Variants in KCNN1 observed in about 807,000 individuals in gnomAD.
KCNN1 encodes the protein potassium calcium-activated channel subfamily N member 1, also known as small conductance calcium-activated potassium channel protein 1.
KCNN1 carries 20 observed loss-of-function variants against 44.7 expected under a neutral mutation model. The ratio of observed to expected loss-of-function variants is 0.45; its 90% CI spans 0.32 to 0.65. The LOEUF is 0.65. Among genes scored for constraint, KCNN1 ranks in the 30% least tolerant of loss-of-function variants. The pLI, the probability that KCNN1 is intolerant of heterozygous loss-of-function variation, is 0.05. For synonymous variants in KCNN1, 324 were observed against 341.7 expected (o/e 0.95, Z 0.57); for missense variants, 632 against 785.3 (o/e 0.80, Z 2.33).
At chr19:17,973,751 C>T in intron 1 of KCNN1, 57 bp from the exon 2 acceptor site, 1 of 1,442,380 alleles carries the variant, frequency 6.9e-7, no homozygotes, top group Admixed American at 2.7e-5. Flanking sequence ...ATGGTCCTTG[C>T]CTTTCTGGTC....
chr19:17,982,988 T>A (rs995365494), intron 4 of KCNN1, among the ~76,000 whole-genome samples: 2 of 149,996 alleles, frequency 1.3e-5, no homozygotes, highest in African/African-American at 4.9e-5. Context: ...TGCAGTGAGC[T>A]GAGATTGCGC....
chr19:17,957,037 C>G (rs563937779), intron 2 of KCNN1, among the ~76,000 whole-genome samples: 1 of 141,938 alleles, frequency 7.0e-6, no homozygotes, highest in African/African-American at 2.6e-5. Context: ...GGCGACAAAG[C>G]GAGACTGTCT....
chr19:17,990,013 A>T, intron 7 of KCNN1, 170 bp downstream of exon 7: 1 of 856,936 alleles, frequency 1.2e-6, no homozygotes, highest in Non-Finnish European at 1.9e-6. Context: ...AGGGAGGCAG[A>T]TGATGGGGTC....
At chr19:17,989,012 G>A (rs1335059851) in intron 6 of KCNN1, among the ~76,000 whole-genome samples, 2 of 152,084 alleles carry the variant, frequency 1.3e-5, no homozygotes, top group Non-Finnish European at 2.9e-5. Flanking sequence ...GCCCAGTCAC[G>A]TCCAGCCATG....
At chr19:17,966,978 G>A (rs980265591), upstream of KCNN1, 3 of 256,494 alleles carry the variant, frequency 1.2e-5, no homozygotes, top group Non-Finnish European at 1.8e-5. Flanking sequence ...GTTGCAGGGG[G>A]CGCCGGGGAA....
intron 1 of KCNN1, chr19:17,952,246 C>T (rs1364655732): frequency 6.6e-6 from 1 of 151,986 alleles, no homozygotes; most frequent in African/African-American, 2.4e-5. Flanking sequence ...GCGCGCACAC[C>T]CTCCCGGCTC....
chr19:17,980,630 C>T (rs770419578), intron 3 of KCNN1, among the ~76,000 whole-genome samples: 4 of 152,056 alleles, frequency 2.6e-5, no homozygotes, highest in Non-Finnish European at 5.9e-5. Context: ...GAAGCTGGTG[C>T]GGTTGCTCAC....
At position 17,993,091 on chromosome 19, in the gene KCNN1, G is replaced by A. The variant is rs776194342; in HGVS notation, c.1307+29G>A. ...AGTGTTCTCCCAGGGGCTTGGTGGG[G>A]CTGGGAAATCGGGGGTGCATGGTGG... On this transcript the variant is annotated intron_variant, in intron 8 of 9. Coordinates refer to ENST00000684775, the MANE Select transcript of KCNN1 (RefSeq NM_001386974.1). The surrounding 1 kb of genome is among the most constrained non-coding windows in gnomAD (Gnocchi z 4.5). 10 of 1,613,506 alleles carry A rather than the reference G, an allele frequency of 6.2e-6. No homozygotes were observed. Among genetic ancestry groups the A allele is most frequent in the Admixed American group, 1.7e-5 (1 of 59,946 alleles).
Position 17,993,566 on chromosome 19 carries a change from G to T in KCNN1, c.1377+7G>T, listed in dbSNP as rs756534086. 5 of 1,609,188 alleles carry T rather than the reference G, an allele frequency of 3.1e-6. No individual in the cohort carries two copies. The highest frequency in any genetic ancestry group is 4.3e-6 in the Non-Finnish European group (5 of 1,175,788). ...GCTTACCGACCTAGCCAAGGTGAGT[G>T]GGTTGGGGCAGGGTGGGCCAGACAG... On this transcript the variant is annotated splice_region_variant and intron_variant, in intron 9 of 9. Coordinates refer to ENST00000684775, the MANE Select transcript of KCNN1 (RefSeq NM_001386974.1). The surrounding 1 kb of genome is among the most constrained non-coding windows in gnomAD (Gnocchi z 4.5).
chr19:17,996,826 G>C (rs10415686), intron 9 of KCNN1, among the ~76,000 whole-genome samples: 31,057 of 152,112 alleles, frequency 0.2, 3,303 homozygotes, highest in Non-Finnish European at 0.23. Flanking sequence ...GAGGGAAAAG[G>C]GTAGGGGGCA....
chr19:17,989,423 A>G (rs1190246029), intron 6 of KCNN1, among the ~76,000 whole-genome samples: 1 of 152,224 alleles, frequency 6.6e-6, no homozygotes, highest in Non-Finnish European at 1.5e-5. Flanking sequence ...ATGCCACTGC[A>G]TTCCAGTCTG....
At position 17,998,487 on chromosome 19, in the gene KCNN1, C is replaced by A; in HGVS notation, c.*81C>A. Reference sequence around the variant, plus strand: ...CGGGAAGCCTTGTACAGTGGCGCCTCTTGGAGTTCAAGAAGCCAACGCTGA... The same window carrying A: ...CGGGAAGCCTTGTACAGTGGCGCCTATTGGAGTTCAAGAAGCCAACGCTGA... On this transcript the variant is annotated 3_prime_UTR_variant, in exon 10 of 10. Coordinates refer to ENST00000684775, the MANE Select transcript of KCNN1 (RefSeq NM_001386974.1). This position sits in a 1 kb window ranked among gnomAD's most constrained non-coding sequence, Gnocchi z 5.4. 7.4e-7 allele frequency: 1 copy of A among 1,344,198 alleles called. No individual in the cohort carries two copies. Among genetic ancestry groups the A allele is most frequent in the Non-Finnish European group, 9.8e-7 (1 of 1,020,322 alleles). The allele number at this position is 1,344,198 out of a possible 1,614,324, so 83.3% of individuals were successfully genotyped here.
In KCNN1 at chr19:17,998,265, G is replaced by A. The variant is rs1473549029; in HGVS notation, c.1491G>A (p.Gln497=). 6.4e-7 allele frequency: 1 copy of A among 1,559,096 alleles called. No individual in the cohort carries two copies. The highest frequency in any genetic ancestry group is 1.2e-5 in the South Asian group (1 of 85,392). ...TGGATGCGCTGGGTGCCTCTCTACA[G>A]GCCCTGCCTGGCCTCATCGCCCAAG... is the stretch of plus-strand genomic sequence containing the variant. ...SRLDALGASL[Q]ALPGLIAQAI... The change falls in exon 10 of 10, where the codon CAG becomes CAA. Residue 497 remains glutamine (Q), a synonymous_variant. Transcript: ENST00000684775. This position sits in a 1 kb window ranked among gnomAD's most constrained non-coding sequence, Gnocchi z 5.4.
intron 2 of KCNN1, among the ~76,000 whole-genome samples, chr19:17,961,728 G>A (rs7255121): frequency 0.051 from 7,823 of 151,906 alleles, 688 homozygotes; most frequent in African/African-American, 0.18. Flanking sequence ...GATTACAGGC[G>A]CGTGCTACCA....
chr19:17,996,332 G>A (rs1045155871), intron 9 of KCNN1, among the ~76,000 whole-genome samples: 1 of 152,014 alleles, frequency 6.6e-6, no homozygotes, highest in South Asian at 2.1e-4. Flanking sequence ...AAGCCTGGGT[G>A]TAGTGGCTCA....
In KCNN1 at chr19:17,980,277, G is replaced by A. The variant is rs1306139361; in HGVS notation, c.499-1432G>A. Among the ~76,000 whole-genome samples the A allele has an allele frequency of 7.9e-5, 9 of 114,230 alleles. No homozygotes were observed. In the East Asian group the frequency reaches 1.6e-3, roughly 20 times the overall value. The allele number at this position is 114,230 out of a possible 152,430, so 74.9% of individuals were successfully genotyped here. ...TTTTTTTTGTATTTTTAGTAGAGAC[G>A]GGGTTTTGCCATGTTGCCTGGGCTG... On this transcript the variant is annotated intron_variant, in intron 3 of 9. Transcript: ENST00000684775.
rs1041964346 is a variant in KCNN1, at chr19:17,993,362, A to G, written c.1308-128A>G. On this transcript the variant is annotated intron_variant, in intron 8 of 9. Transcript: ENST00000684775. The surrounding 1 kb of genome is among the most constrained non-coding windows in gnomAD (Gnocchi z 4.5). ...ATAGACTACAGGGAATCGGCCTCCC[A>G]ACTCCCACCTCATCCTCTGATGCAT... 1.3e-6 allele frequency: 1 copy of G among 744,336 alleles called. No homozygotes were observed. Among genetic ancestry groups the G allele is most frequent in the Non-Finnish European group, 2.3e-6 (1 of 426,024 alleles). The allele number at this position is 744,336 out of a possible 1,614,324, so 46.1% of individuals were successfully genotyped here.
upstream of KCNN1, among the ~76,000 whole-genome samples, chr19:17,966,065 C>G (rs969916752): frequency 3.7e-4 from 54 of 146,626 alleles, no homozygotes; most frequent in African/African-American, 1.1e-3. Context: ...TCCTTCCTTC[C>G]TTCCTTCCTT....
At position 17,993,437 on chromosome 19, in the gene KCNN1, C is replaced by A; in HGVS notation, c.1308-53C>A. ...TGCATGAAAGTCCCTGCCCCCACTGCAGCCTCCACGGGAACCTGCCTAACC... is the reference window on the plus strand; with the variant it reads ...TGCATGAAAGTCCCTGCCCCCACTGAAGCCTCCACGGGAACCTGCCTAACC... On this transcript the variant is annotated intron_variant, in intron 8 of 9. Transcript: ENST00000684775. The surrounding 1 kb of genome is among the most constrained non-coding windows in gnomAD (Gnocchi z 4.5). 1 of 1,387,402 alleles carries A rather than the reference C, an allele frequency of 7.2e-7. No individual in the cohort carries two copies. The highest frequency in any genetic ancestry group is 1.0e-6 in the Non-Finnish European group (1 of 984,240). The allele number at this position is 1,387,402 out of a possible 1,614,324, so 85.9% of individuals were successfully genotyped here.
Sources: gnomAD v4.1 joint callset for allele counts (sites outside exome capture counted in the v4.1 genomes callset) on GRCh38, gnomAD v4.1.1 for gene constraint, Gnocchi (gnomAD v3.1) non-coding constraint, MANE v1.5 for transcripts, NCBI Gene and HGNC (gene_info 2026-07-23, HGNC 2026-07-21) for gene names.